Variants in SVOPL observed in about 807,000 individuals in gnomAD.
SVOPL encodes the protein putative transporter SVOPL.
SVOPL carries 60 observed loss-of-function variants against 61.0 expected under a neutral mutation model. The ratio of observed to expected loss-of-function variants is 0.98; its 90% CI spans 0.80 to 1.22. The LOEUF (loss-of-function observed/expected upper bound fraction) is 1.22. Ranked by LOEUF, SVOPL falls within the 50% of genes most tolerant of loss-of-function variation. SVOPL has a pLI of 0.00. For synonymous variants in SVOPL, 279 were observed against 250.0 expected, an observed-to-expected ratio of 1.12 and a Z score of -1.09; for missense variants, 662 against 643.9, an observed-to-expected ratio of 1.03 and a Z score of -0.30.
rs1272217751 is a variant in SVOPL, at chr7:138,669,016, T to C, written c.273+3003A>G. 2.6e-5 allele frequency among the ~76,000 whole-genome samples: 4 copies of C among 152,318 alleles called. No individual in the cohort carries two copies. The East Asian group carries it at 7.7e-4, about 29-fold the overall frequency. ...GCCCAGAAAGCGATACAACAAAGAC[T>C]GGCCTTTTGACATGTGGAGAGGATA... On this transcript the variant is annotated intron_variant, in intron 4 of 15. Coordinates refer to ENST00000674285, the MANE Select transcript of SVOPL (RefSeq NM_001139456.2).
intron 9 of SVOPL, among the ~76,000 whole-genome samples, chr7:138,642,982 G>A (rs530780925): frequency 3.3e-5 from 5 of 152,208 alleles, no homozygotes; most frequent in Admixed American, 6.6e-5. Context: ...CCAGGATGTA[G>A]TGAAACTGGA....
chr7:138,660,446 C>T, intron 5 of SVOPL: 2 of 988,746 alleles, frequency 2.0e-6, no homozygotes, highest in South Asian at 4.6e-5. Context: ...CATTGATTGT[C>T]CAACCCAGAG....
chr7:138,671,799 TTC>T (rs1435476488), intron 4 of SVOPL, among the ~76,000 whole-genome samples: 2 of 152,378 alleles, frequency 1.3e-5, no homozygotes, highest in African/African-American at 4.8e-5. Flanking sequence ...AGGGATCACT[TTC>T]TGAATTGCAT....
intron 8 of SVOPL, among the ~76,000 whole-genome samples, chr7:138,648,426 G>C (rs1249574053): frequency 6.7e-6 from 1 of 149,958 alleles, no homozygotes; most frequent in Non-Finnish European, 1.5e-5. Flanking sequence ...TGTCCAATGT[G>C]ATGAAACCCC....
Position 138,692,253 on chromosome 7 carries a change from T to C in SVOPL, c.-35+8925A>G, listed in dbSNP as rs1477805066. ...GGAATTGAATATATCCATCATTCTT[T>C]CAAAAAGCATGTGTGTATGCATGTG... On this transcript the variant is annotated intron_variant, in intron 1 of 15. Coordinates refer to ENST00000674285, the MANE Select transcript of SVOPL (RefSeq NM_001139456.2). Among the ~76,000 whole-genome samples the C allele has an allele frequency of 2.0e-5, 3 of 152,298 alleles. No individual in the cohort carries two copies. In the East Asian group the frequency reaches 5.8e-4, roughly 29 times the overall value.
At chr7:138,605,089 A>G (rs887044609) in intron 14 of SVOPL, among the ~76,000 whole-genome samples, 1 of 151,770 alleles carries the variant, frequency 6.6e-6, no homozygotes, top group Non-Finnish European at 1.5e-5. Context: ...AATAATCGCT[A>G]ATGTAGAGGA....
intron 5 of SVOPL, 90 bp from the exon 6 acceptor site, chr7:138,660,078 T>C (rs1442789388): frequency 6.6e-6 from 10 of 1,511,716 alleles, no homozygotes; most frequent in East Asian, 2.5e-5. Flanking sequence ...TCGGTTTCCA[T>C]CCTGATAGTT....
intron 4 of SVOPL, among the ~76,000 whole-genome samples, chr7:138,671,388 C>A (rs1028746727): frequency 1.3e-5 from 2 of 152,188 alleles, no homozygotes; most frequent in African/African-American, 4.8e-5. Flanking sequence ...ACTCTTGTCA[C>A]CCAGGCTGGA....
chr7:138,659,000 C>G (rs564408565), intron 6 of SVOPL, among the ~76,000 whole-genome samples: 1 of 151,812 alleles, frequency 6.6e-6, no homozygotes, highest in African/African-American at 2.4e-5. Flanking sequence ...TGGGGTCGGA[C>G]ATGCCTCATT....
chr7:138,695,492 C>T (rs576107185), intron 1 of SVOPL, among the ~76,000 whole-genome samples: 4 of 152,138 alleles, frequency 2.6e-5, no homozygotes, highest in Non-Finnish European at 5.9e-5. Flanking sequence ...GCATGGACAA[C>T]ACAGTGAGAC....
chr7:138,685,720 C>A (rs143063618), intron 1 of SVOPL, among the ~76,000 whole-genome samples: 8 of 151,766 alleles, frequency 5.3e-5, no homozygotes, highest in South Asian at 2.1e-4. Flanking sequence ...ATTAGCCAGG[C>A]GTGGTGGCGG....
intron 14 of SVOPL, among the ~76,000 whole-genome samples, chr7:138,620,366 C>G (rs1799506886): frequency 6.7e-6 from 1 of 149,820 alleles, no homozygotes; most frequent in South Asian, 2.1e-4. Flanking sequence ...GGTGATCCAC[C>G]CACCTCAGCC....
chr7:138,663,549 A>C (rs1392719269), intron 4 of SVOPL: 3 of 996,582 alleles, frequency 3.0e-6, no homozygotes. Flanking sequence ...ACAAATAGAC[A>C]TAACTTTAAA....
intron 7 of SVOPL, among the ~76,000 whole-genome samples, chr7:138,653,941 A>G (rs1801566718): frequency 6.7e-6 from 1 of 149,124 alleles, no homozygotes; most frequent in Non-Finnish European, 1.5e-5. Context: ...TCAAAAAAAA[A>G]AAAAAAAGAA....
At chr7:138,689,556 T>TAA in intron 1 of SVOPL, 1 of 416,318 alleles carries the variant, frequency 2.4e-6, no homozygotes. Flanking sequence ...AAATTAAAAG[T>TAA]AAAAAAAGAA....
intron 1 of SVOPL, among the ~76,000 whole-genome samples, chr7:138,686,311 G>A (rs538234093): frequency 1.3e-5 from 2 of 150,716 alleles, no homozygotes; most frequent in East Asian, 4.0e-4. Context: ...GCTGAGGCAG[G>A]AGAATCGCTT....
At chr7:138,688,955 T>C in intron 1 of SVOPL, 1 of 576,142 alleles carries the variant, frequency 1.7e-6, no homozygotes, top group South Asian at 1.6e-5. Context: ...CCTCTTTCCC[T>C]AAGCGGCCTG....
intron 14 of SVOPL, among the ~76,000 whole-genome samples, chr7:138,619,528 G>C (rs1035966383): frequency 9.3e-6 from 1 of 107,944 alleles, no homozygotes; most frequent in African/African-American, 3.6e-5. Flanking sequence ...TTTTCTTTAA[G>C]ACAGGTGGGG....
intron 9 of SVOPL, among the ~76,000 whole-genome samples, chr7:138,637,469 GATATAGATATAGAT>G (rs1563108768): frequency 4.1e-4 from 12 of 29,408 alleles, no homozygotes; most frequent in African/African-American, 6.4e-4. Flanking sequence ...TATATATATA[GATATAGATATAGAT>G]ATAGATAGAT....
Sources: gnomAD v4.1 joint callset for allele counts (sites outside exome capture counted in the v4.1 genomes callset) on GRCh38, gnomAD v4.1.1 for gene constraint, MANE v1.5 for transcripts, NCBI Gene and HGNC (gene_info 2026-07-23, HGNC 2026-07-21) for gene names.